Variants in FAAH2 observed in about 807,000 individuals in gnomAD.
FAAH2 encodes the protein fatty acid amide hydrolase 2, also known as fatty-acid amide hydrolase 2.
Under a neutral mutation model 36.9 loss-of-function variants are expected in FAAH2, and 60 were observed. The observed-to-expected ratio is 1.63, with a 90% CI of 1.32 to 2.02. FAAH2 has a LOEUF of 2.02. Ranked by LOEUF, FAAH2 falls within the 30% of genes most tolerant of loss-of-function variation. The pLI, the probability that FAAH2 is intolerant of heterozygous loss-of-function variation, is 0.00. For missense variants in FAAH2, 689 were observed against 397.5 expected (o/e 1.73, Z -6.23); for synonymous variants, 214 against 143.8 (o/e 1.49, Z -3.49).
chrX:57,436,202 G>A (rs1373092632), intron 8 of FAAH2, among the ~76,000 whole-genome samples: 1 of 110,675 alleles, frequency 9.0e-6, no homozygotes, highest in African/African-American at 3.3e-5. Context: ...AATTCTGTGG[G>A]ATAAAGAAAA....
At position 57,489,088 on chromosome X, in the gene FAAH2, C is replaced by A. The variant is rs1164644802; in HGVS notation, c.*156C>A. 1.8e-6 allele frequency: 1 copy of A among 566,880 alleles called. No homozygotes were observed. The highest frequency in any genetic ancestry group is 2.6e-6 in the Non-Finnish European group (1 of 387,584). The allele number at this position is 566,880 out of a possible 1,213,427, so 46.7% of individuals were successfully genotyped here. A position where few individuals can be genotyped will look rare whatever the true frequency, so the allele number is the denominator to read the frequency against. On this transcript the variant is annotated 3_prime_UTR_variant, in exon 11 of 11. Transcript: ENST00000374900. The stretch of plus-strand genomic sequence containing the variant: ...ATTCTTTCTACTTTTATTTCCTTCT[C>A]TAACTGTTGGTCTTACTAAAATGGT...
Position 57,310,729 on chromosome X carries a change from G to A in FAAH2, c.412G>A (p.Gly138Arg). Reference sequence around the variant, plus strand: ...AGTCAAGGAAGCTTTCCAGCTACAAGGTACTATTCTTTTATTTTTGGCTAC... The same window carrying A: ...AGTCAAGGAAGCTTTCCAGCTACAAAGTACTATTCTTTTATTTTTGGCTAC... ...LTVKEAFQLQ[G>R]MPNSSGLMNR... The change falls in exon 3 of 11, where the codon GGA becomes AGA. Residue 138 changes from glycine (G) to arginine (R), a missense_variant and splice_region_variant. Gly to Arg is a moderately radical substitution (Grantham distance 125, BLOSUM62 -2). Transcript: ENST00000374900. 1.7e-6 allele frequency: 2 copies of A among 1,185,582 alleles called. No individual in the cohort carries two copies. The highest frequency in any genetic ancestry group is 2.3e-6 in the Non-Finnish European group (2 of 885,908).
chrX:57,432,929 G>A (rs746102105), intron 8 of FAAH2, among the ~76,000 whole-genome samples: 51 of 106,230 alleles, frequency 4.8e-4, no homozygotes, highest in African/African-American at 1.5e-3. Flanking sequence ...ACATACAATA[G>A]CCCTTCCATA....
At chrX:57,241,037 C>G in the FAAH2 span, among the ~76,000 whole-genome samples, 1 of 112,050 alleles carries the variant, frequency 8.9e-6, no homozygotes, top group East Asian at 2.8e-4. Flanking sequence ...GCCATTCTGG[C>G]ACCAAAACCT....
At chrX:57,392,690 C>T (rs1006414321) in intron 7 of FAAH2, 22 of 636,007 alleles carry the variant, frequency 3.5e-5, no homozygotes, top group Non-Finnish European at 5.6e-5. Flanking sequence ...AAATCAGTAT[C>T]ATAAAAACAG....
chrX:57,299,682 G>C (rs1046179560), intron 2 of FAAH2, among the ~76,000 whole-genome samples: 3 of 111,726 alleles, frequency 2.7e-5, no homozygotes, highest in Admixed American at 9.5e-5. Context: ...GTTTGCAGAT[G>C]ACATGATTGT....
chrX:57,152,062 C>T, the FAAH2 span, among the ~76,000 whole-genome samples: 2 of 111,937 alleles, frequency 1.8e-5, no homozygotes, highest in Non-Finnish European at 3.8e-5. Context: ...GGCTGCAGAA[C>T]AGCAGTGGCT....
the FAAH2 span, among the ~76,000 whole-genome samples, chrX:57,266,584 C>T: frequency 8.9e-6 from 1 of 112,353 alleles, no homozygotes; most frequent in Non-Finnish European, 1.9e-5. Flanking sequence ...ACCTTAAGTG[C>T]CTATCCACAA....
chrX:57,292,391 A>T, intron 1 of FAAH2, 107 bp from the exon 2 acceptor site: 1 of 682,441 alleles, frequency 1.5e-6, no homozygotes, highest in South Asian at 2.9e-5. Flanking sequence ...ATTCACTGAA[A>T]GTGTCTCAAA....
chrX:57,235,404 T>G, the FAAH2 span, among the ~76,000 whole-genome samples: 1 of 111,970 alleles, frequency 8.9e-6, no homozygotes, highest in Non-Finnish European at 1.9e-5. Flanking sequence ...GGTATCTTGT[T>G]GCTACAAAAA....
the FAAH2 span, among the ~76,000 whole-genome samples, chrX:57,122,848 A>G: frequency 8.9e-6 from 1 of 112,211 alleles, no homozygotes; most frequent in Middle Eastern, 4.7e-3. Context: ...CAACAGTCAA[A>G]GTATGAAAGA....
intron 1 of FAAH2, among the ~76,000 whole-genome samples, chrX:57,288,534 T>C (rs764692566): frequency 9.3e-6 from 1 of 107,725 alleles, no homozygotes; most frequent in Non-Finnish European, 1.9e-5. Flanking sequence ...TATTTTTTAG[T>C]AGAGACGGGT....
chrX:57,275,994 G>A, the FAAH2 span, among the ~76,000 whole-genome samples: 2 of 111,301 alleles, frequency 1.8e-5, no homozygotes, highest in African/African-American at 6.5e-5. Context: ...ACACCCCACT[G>A]TCCATATCAG....
intron 10 of FAAH2, among the ~76,000 whole-genome samples, chrX:57,466,150 C>CTATATATATATA (rs1448015750): frequency 2.9e-4 from 22 of 75,613 alleles, no homozygotes; most frequent in East Asian, 4.2e-4. Context: ...CTCTCTCTCT[C>CTATATATATATA]TCTCTCTATA....
the FAAH2 span, among the ~76,000 whole-genome samples, chrX:57,210,430 T>C: frequency 8.9e-6 from 1 of 112,384 alleles, no homozygotes; most frequent in Non-Finnish European, 1.9e-5. Context: ...AACCATGACC[T>C]ATTACAAGAA....
chrX:57,212,098 G>T, the FAAH2 span, among the ~76,000 whole-genome samples: 1 of 111,308 alleles, frequency 9.0e-6, no homozygotes, highest in East Asian at 2.8e-4. Context: ...CAGGCCTGTA[G>T]GTGGCAACAG....
intron 7 of FAAH2, among the ~76,000 whole-genome samples, chrX:57,424,297 A>C (rs1164704648): frequency 1.8e-5 from 2 of 111,974 alleles, no homozygotes; most frequent in African/African-American, 6.5e-5. Context: ...CATAGAACCC[A>C]GGCCACTGGG....
the FAAH2 span, among the ~76,000 whole-genome samples, chrX:57,147,565 G>A: frequency 4.5e-5 from 5 of 110,765 alleles, no homozygotes; most frequent in Non-Finnish European, 7.6e-5. Flanking sequence ...ATTTCATTCC[G>A]CTCTGATCTT....
intron 4 of FAAH2, among the ~76,000 whole-genome samples, chrX:57,337,596 C>T (rs2053585829): frequency 8.9e-6 from 1 of 111,996 alleles, no homozygotes; most frequent in Non-Finnish European, 1.9e-5. Flanking sequence ...GCAAGTTTGG[C>T]TGAACATATG....
Sources: allele counts gnomAD v4.1 joint callset (sites outside exome capture counted in the v4.1 genomes callset), GRCh38; gene constraint gnomAD v4.1.1; transcripts MANE v1.5; gene names NCBI Gene and HGNC (gene_info 2026-07-23, HGNC 2026-07-21).